The following CELF4 variants were observed in gnomAD, a reference collection of about 807,000 sequenced individuals.
The protein encoded by CELF4 is CUGBP Elav-like family member 4, also known as CUG-BP- and ETR-3-like factor 4.
Under a neutral mutation model 59.9 loss-of-function variants are expected in CELF4, and 18 were observed. The ratio of observed to expected loss-of-function variants is 0.30; its 90% confidence interval spans 0.21 to 0.45. The LOEUF (loss-of-function observed/expected upper bound fraction) is 0.45, where lower values mean the gene tolerates loss of function less well. Among genes scored for constraint, CELF4 ranks in the 20% least tolerant of loss-of-function variants. The probability of loss-of-function intolerance (pLI) is 1.00; values close to 1 mark genes in which losing one functional copy is unlikely to be tolerated. For synonymous variants in CELF4, 261 were observed against 267.1 expected, an observed-to-expected ratio of 0.98 and a Z score of 0.22; for missense variants, 456 against 689.0, an observed-to-expected ratio of 0.66 and a Z score of 3.79.
intron 2 of CELF4, among the ~76,000 whole-genome samples, chr18:37,442,503 T>C (rs2099735112): frequency 6.6e-6 from 1 of 152,138 alleles, no homozygotes; most frequent in Admixed American, 6.5e-5. Context: ...GGGATGGCTG[T>C]CAATAGCTGA....
intron 2 of CELF4, among the ~76,000 whole-genome samples, chr18:37,451,179 G>A (rs1297042909): frequency 2.6e-5 from 4 of 152,220 alleles, no homozygotes; most frequent in Non-Finnish European, 5.9e-5. Context: ...GGACAGAGTG[G>A]TGGCTCCCTT....
intron 2 of CELF4, among the ~76,000 whole-genome samples, chr18:37,462,014 A>G (rs902349367): frequency 2.6e-5 from 4 of 152,230 alleles, no homozygotes; most frequent in Non-Finnish European, 5.9e-5. Context: ...TATCTTACCC[A>G]TGAGGGAAAT....
intron 2 of CELF4, among the ~76,000 whole-genome samples, chr18:37,385,070 G>T (rs1373858686): frequency 6.6e-6 from 1 of 152,180 alleles, no homozygotes; most frequent in Non-Finnish European, 1.5e-5. Flanking sequence ...CACTAGGCTG[G>T]GCGTGGTGGC....
At chr18:37,531,183 T>C (rs934783187) in intron 1 of CELF4, among the ~76,000 whole-genome samples, 3 of 152,108 alleles carry the variant, frequency 2.0e-5, no homozygotes, top group African/African-American at 7.2e-5. Flanking sequence ...GGGCTGCCTG[T>C]CCTGACAACC....
intron 3 of CELF4, among the ~76,000 whole-genome samples, chr18:37,303,167 G>A (rs769767264): frequency 6.6e-6 from 1 of 152,146 alleles, no homozygotes; most frequent in Non-Finnish European, 1.5e-5. Flanking sequence ...TCTGGCTAGA[G>A]GCATGACAGA....
chr18:37,397,751 A>T (rs2099263076), intron 2 of CELF4, among the ~76,000 whole-genome samples: 1 of 152,170 alleles, frequency 6.6e-6, no homozygotes, highest in African/African-American at 2.4e-5. Flanking sequence ...TGAGGTGGGT[A>T]TGTTGGCTTT....
chr18:37,548,930 AC>A (rs2099982285), intron 1 of CELF4, among the ~76,000 whole-genome samples: 1 of 152,136 alleles, frequency 6.6e-6, no homozygotes, highest in Non-Finnish European at 1.5e-5. Flanking sequence ...CATCCAGGCC[AC>A]CCCTGAATGA....
intron 1 of CELF4, among the ~76,000 whole-genome samples, chr18:37,500,518 TTTC>T (rs1393309335): frequency 1.0e-5 from 1 of 97,422 alleles, no homozygotes; most frequent in Non-Finnish European, 2.3e-5. Flanking sequence ...CTCATTTTCT[TTTC>T]TTTTCTTTTC....
At chr18:37,391,802 A>T (rs2099164913) in intron 2 of CELF4, among the ~76,000 whole-genome samples, 1 of 152,212 alleles carries the variant, frequency 6.6e-6, no homozygotes, top group Non-Finnish European at 1.5e-5. Context: ...GAGATTCAGG[A>T]CACAAGAGAG....
At chr18:37,519,628 C>T (rs1006849881) in intron 1 of CELF4, among the ~76,000 whole-genome samples, 1 of 152,196 alleles carries the variant, frequency 6.6e-6, no homozygotes, top group Admixed American at 6.5e-5. Context: ...GATCTGTGGG[C>T]AGCGAGGAGT....
chr18:37,273,678 G>C (rs9948912), intron 6 of CELF4: 1 of 987,150 alleles, frequency 1.0e-6, no homozygotes, highest in Admixed American at 6.1e-5. Context: ...TGGCCAAGGC[G>C]GACAGTACTG....
chr18:37,249,229 A>G (rs1383136643), intron 12 of CELF4, among the ~76,000 whole-genome samples: 2 of 152,108 alleles, frequency 1.3e-5, no homozygotes, highest in South Asian at 2.1e-4. Flanking sequence ...CCCACCCAGG[A>G]TGGCCAACGG....
intron 2 of CELF4, among the ~76,000 whole-genome samples, chr18:37,378,992 C>G (rs943023473): frequency 9.2e-5 from 14 of 152,194 alleles, no homozygotes; most frequent in Non-Finnish European, 4.4e-5. Context: ...GAGCTCCCAC[C>G]CTCCCTGGTC....
intron 1 of CELF4, among the ~76,000 whole-genome samples, chr18:37,547,142 G>GTA (rs1263626973): frequency 1.2e-4 from 14 of 113,166 alleles, no homozygotes; most frequent in Non-Finnish European, 1.5e-4. Context: ...TTTGCTTAGT[G>GTA]TATGTGTGTG....
At chr18:37,380,785 C>CCCAATGAATCCATCCA (rs2099029260) in intron 2 of CELF4, among the ~76,000 whole-genome samples, 1 of 36,146 alleles carries the variant, frequency 2.8e-5, no homozygotes, top group South Asian at 1.1e-3. Context: ...CTATCCATTT[C>CCCAATGAATCCATCCA]TCCATGAATC....
chr18:37,320,433 T>A (rs1337194017), intron 3 of CELF4, among the ~76,000 whole-genome samples: 2 of 151,860 alleles, frequency 1.3e-5, no homozygotes, highest in Non-Finnish European at 2.9e-5. Flanking sequence ...GGGCTGCTCC[T>A]GTCTCTGGCG....
chr18:37,298,429 T>C (rs1291118557), intron 3 of CELF4, among the ~76,000 whole-genome samples: 2 of 152,040 alleles, frequency 1.3e-5, no homozygotes, highest in African/African-American at 4.8e-5. Context: ...CTGAATAAAA[T>C]CCAGTTTTGG....
intron 8 of CELF4, among the ~76,000 whole-genome samples, chr18:37,268,091 G>C (rs1224193502): frequency 6.6e-6 from 1 of 152,138 alleles, no homozygotes; most frequent in Non-Finnish European, 1.5e-5. Flanking sequence ...GAAAAGCCTG[G>C]GGCAGAGGTC....
At chr18:37,430,374 C>T (rs886590474) in intron 2 of CELF4, among the ~76,000 whole-genome samples, 2 of 152,208 alleles carry the variant, frequency 1.3e-5, no homozygotes, top group African/African-American at 4.8e-5. Context: ...TGTAAAAGCA[C>T]CCAGAGACTG....
Sources: allele counts gnomAD v4.1 joint callset (sites outside exome capture counted in the v4.1 genomes callset), GRCh38; gene constraint gnomAD v4.1.1; transcripts MANE v1.5; gene names NCBI Gene and HGNC (gene_info 2026-07-23, HGNC 2026-07-21).